SHOC2: variants seen among roughly 807,000 people sequenced by gnomAD.
SHOC2 encodes the protein leucine-rich repeat protein SHOC-2.
A neutral mutation model predicts 50.2 loss-of-function variants in SHOC2; 4 were observed. That is an observed-to-expected ratio of 0.08 (90% CI 0.04 to 0.18). SHOC2 has a LOEUF of 0.18. Ranked by LOEUF, SHOC2 falls within the 10% of genes least tolerant of loss-of-function variation. The pLI is 1.00. For synonymous variants in SHOC2, 218 were observed against 244.5 expected (o/e 0.89, Z 1.01); for missense variants, 388 against 669.6 (o/e 0.58, Z 4.64).
chr10:110,937,131 C>G, intron 1 of SHOC2: 2 of 1,480,476 alleles, frequency 1.4e-6, no homozygotes, highest in Non-Finnish European at 1.9e-6. Flanking sequence ...CAGCGTACGA[C>G]CACCACCTTC....
At chr10:111,003,787 C>T (rs780288377) in intron 4 of SHOC2, among the ~76,000 whole-genome samples, 9 of 152,124 alleles carry the variant, frequency 5.9e-5, no homozygotes, top group South Asian at 2.1e-4. Context: ...TATTGCTCTT[C>T]CTTGGCCCAG....
chr10:110,920,485 A>G lies in SHOC2; in HGVS notation c.-235+828A>G, dbSNP rs76057717. ...CCCCCCATGCCTAGGTGGAAGAGTA[A>G]TGACTCCAAAGCATTAACTTGCCTT... On this transcript the variant is annotated intron_variant, in intron 1 of 8. Transcript: ENST00000369452. Among the ~76,000 whole-genome samples the G allele has an allele frequency of 4.0e-3, 602 of 152,254 alleles. 5 individuals carry two copies. The highest frequency in any genetic ancestry group is 0.014 in the African/African-American group (582 of 41,536).
At chr10:110,949,405 A>G (rs561081377) in intron 1 of SHOC2, among the ~76,000 whole-genome samples, 7 of 152,210 alleles carry the variant, frequency 4.6e-5, no homozygotes, top group South Asian at 2.1e-4. Flanking sequence ...AGAAAATCCA[A>G]TCACACCCAG....
At chr10:110,987,003 G>A (rs1281475254) in intron 3 of SHOC2, among the ~76,000 whole-genome samples, 2 of 152,148 alleles carry the variant, frequency 1.3e-5, no homozygotes, top group African/African-American at 4.8e-5. Flanking sequence ...ACCCTTACTG[G>A]TAGGGTGCAG....
chr10:110,921,092 C>T (rs1846638044), intron 1 of SHOC2, among the ~76,000 whole-genome samples: 1 of 152,186 alleles, frequency 6.6e-6, no homozygotes, highest in South Asian at 2.1e-4. Flanking sequence ...CCTCATCCTC[C>T]ATGCTGTGGA....
chr10:110,980,195 C>T (rs1180577363), intron 2 of SHOC2, among the ~76,000 whole-genome samples: 2 of 143,458 alleles, frequency 1.4e-5, no homozygotes, highest in Middle Eastern at 4.2e-3. Context: ...CTCACTCTGT[C>T]GCCTAGGCTG....
chr10:110,973,089 A>C (rs1458453446), intron 2 of SHOC2, among the ~76,000 whole-genome samples: 1 of 152,210 alleles, frequency 6.6e-6, no homozygotes, highest in Non-Finnish European at 1.5e-5. Flanking sequence ...TTAAGCTTTT[A>C]AGACAAGTAT....
intron 2 of SHOC2, among the ~76,000 whole-genome samples, chr10:110,972,102 C>G (rs1389710569): frequency 6.6e-6 from 1 of 150,814 alleles, no homozygotes; most frequent in Non-Finnish European, 1.5e-5. Flanking sequence ...TACTATTAAC[C>G]TATTTTTATT....
rs1278827664 is a variant in SHOC2, at chr10:110,985,752, C to T, written c.828C>T (p.Leu276=). Residue 276 remains leucine, a synonymous_variant, in exon 3 of 9, where the codon CTC becomes CTT. Transcript: ENST00000369452. ...TGCAGCACAATGAACTGCTAGACCT[C>T]CCAGATACTATAGGTATGAGAGGAG... ...LDLQHNELLD[L]PDTIGNLSSL... 1 of 1,612,622 alleles carries T rather than the reference C, an allele frequency of 6.2e-7. No individual in the cohort carries two copies. Among genetic ancestry groups the T allele is most frequent in the Admixed American group, 1.7e-5 (1 of 59,892 alleles).
intron 1 of SHOC2, among the ~76,000 whole-genome samples, chr10:110,946,078 T>C (rs1847240959): frequency 6.6e-6 from 1 of 152,098 alleles, no homozygotes; most frequent in African/African-American, 2.4e-5. Context: ...AGGCCCTGAG[T>C]AGGATTTTTT....
chr10:110,993,186 G>T (rs1019750920), intron 3 of SHOC2, among the ~76,000 whole-genome samples: 3 of 152,182 alleles, frequency 2.0e-5, no homozygotes, highest in African/African-American at 7.2e-5. Flanking sequence ...CAGGAGCTCA[G>T]CAACAATGAT....
At chr10:110,994,710 A>T (rs772015281) in intron 3 of SHOC2, among the ~76,000 whole-genome samples, 2 of 152,222 alleles carry the variant, frequency 1.3e-5, no homozygotes, top group Non-Finnish European at 2.9e-5. Context: ...TTTTATACAT[A>T]TAAATAAGTG....
At chr10:110,921,820 T>G (rs1209429037) in intron 1 of SHOC2, among the ~76,000 whole-genome samples, 1 of 152,116 alleles carries the variant, frequency 6.6e-6, no homozygotes, top group East Asian at 1.9e-4. Context: ...CCCCCTTCAG[T>G]TTTTGAGGAA....
At chr10:110,961,779 T>C (rs1220087298) in intron 1 of SHOC2, among the ~76,000 whole-genome samples, 2 of 152,160 alleles carry the variant, frequency 1.3e-5, no homozygotes, top group Non-Finnish European at 2.9e-5. Flanking sequence ...AATGGGAACT[T>C]TATTAATAAC....
Position 110,970,002 on chromosome 10 carries a change from G to A in SHOC2, c.703+4941G>A, listed in dbSNP as rs572671759. On this transcript the variant is annotated intron_variant, in intron 2 of 8. Transcript: ENST00000369452. The stretch of plus-strand genomic sequence containing the variant: ...TGAAATCATGGTAATTAGCACATCC[G>A]TCACCTCAAACATTTATCATTGCTT... 9.2e-5 allele frequency among the ~76,000 whole-genome samples: 14 copies of A among 152,150 alleles called. No individual in the cohort carries two copies. In the South Asian group the frequency reaches 2.9e-3, roughly 32 times the overall value.
chr10:110,929,446 A>G (rs1846844134), intron 1 of SHOC2, among the ~76,000 whole-genome samples: 1 of 152,198 alleles, frequency 6.6e-6, no homozygotes, highest in Non-Finnish European at 1.5e-5. Context: ...ATTTCATATC[A>G]AAGCTTCTGA....
intron 2 of SHOC2, among the ~76,000 whole-genome samples, chr10:110,971,389 T>C (rs1233401938): frequency 6.6e-6 from 1 of 152,138 alleles, no homozygotes; most frequent in East Asian, 1.9e-4. Flanking sequence ...TTCTGGGTTC[T>C]CTACTCTATT....
intron 1 of SHOC2, among the ~76,000 whole-genome samples, chr10:110,943,353 A>G (rs1847187592): frequency 6.6e-6 from 1 of 151,444 alleles, no homozygotes; most frequent in African/African-American, 2.4e-5. Context: ...TCTGCTGTTG[A>G]ACCCTTCTAG....
intron 3 of SHOC2, among the ~76,000 whole-genome samples, chr10:110,988,494 C>T (rs1402918555): frequency 6.6e-6 from 1 of 152,050 alleles, no homozygotes; most frequent in African/African-American, 2.4e-5. Flanking sequence ...TTAAGTTGTT[C>T]ATAACATTCT....
Sources: gnomAD v4.1 joint callset for allele counts (sites outside exome capture counted in the v4.1 genomes callset) on GRCh38, gnomAD v4.1.1 for gene constraint, MANE v1.5 for transcripts, NCBI Gene and HGNC (gene_info 2026-07-23, HGNC 2026-07-21) for gene names.